The following LRRC4C variants were observed in gnomAD, a reference collection of about 807,000 sequenced individuals.
LRRC4C encodes the protein leucine-rich repeat-containing protein 4C.
A neutral mutation model predicts 33.6 loss-of-function variants in LRRC4C; 5 were observed. The ratio of observed to expected loss-of-function variants is 0.15; its 90% CI spans 0.08 to 0.31. The LOEUF (loss-of-function observed/expected upper bound fraction) is 0.31. LRRC4C is among the 10% of genes least tolerant of loss of function. LRRC4C has a pLI of 1.00. For missense variants in LRRC4C, 560 were observed against 796.7 expected, an observed-to-expected ratio of 0.70 and a Z score of 3.58; for synonymous variants, 329 against 302.0, an observed-to-expected ratio of 1.09 and a Z score of -0.93.
intron 3 of LRRC4C, among the ~76,000 whole-genome samples, chr11:40,453,581 TTACCCTGA>T (rs1951993562): frequency 6.7e-6 from 1 of 150,300 alleles, no homozygotes; most frequent in South Asian, 2.1e-4. Flanking sequence ...GATGCCAGTA[TTACCCTGA>T]TACCAAAACC....
At chr11:41,147,175 G>A (rs1943764197) in intron 1 of LRRC4C, among the ~76,000 whole-genome samples, 1 of 152,138 alleles carries the variant, frequency 6.6e-6, no homozygotes, top group African/African-American at 2.4e-5. Context: ...TTCCATAAAT[G>A]ATTCCCTTCT....
chr11:40,378,298 G>A (rs1397194581), intron 3 of LRRC4C, among the ~76,000 whole-genome samples: 1 of 151,840 alleles, frequency 6.6e-6, no homozygotes, highest in Non-Finnish European at 1.5e-5. Flanking sequence ...GATTTTTCTG[G>A]CAAGCAGTTC....
At chr11:40,263,776 A>G (rs934896482) in intron 4 of LRRC4C, among the ~76,000 whole-genome samples, 4 of 152,314 alleles carry the variant, frequency 2.6e-5, no homozygotes, top group African/African-American at 4.8e-5. Flanking sequence ...AGCATAACTG[A>G]TGGATACTTC....
At chr11:41,048,837 A>G (rs779634980) in intron 1 of LRRC4C, among the ~76,000 whole-genome samples, 48 of 152,210 alleles carry the variant, frequency 3.2e-4, no homozygotes, top group Non-Finnish European at 5.3e-4. Flanking sequence ...GCCAATGGGC[A>G]TGGACTCTGC....
intron 2 of LRRC4C, among the ~76,000 whole-genome samples, chr11:40,743,509 G>C (rs985167525): frequency 6.6e-6 from 1 of 152,022 alleles, no homozygotes; most frequent in African/African-American, 2.4e-5. Context: ...CCAGCTTATA[G>C]AGGCCACCTA....
chr11:40,668,484 C>T (rs550570579), intron 2 of LRRC4C, among the ~76,000 whole-genome samples: 5 of 152,140 alleles, frequency 3.3e-5, no homozygotes, highest in African/African-American at 1.2e-4. Flanking sequence ...AAATAAAGTT[C>T]GCAAGGGAAG....
intron 2 of LRRC4C, among the ~76,000 whole-genome samples, chr11:40,732,129 A>T (rs2136795694): frequency 6.6e-6 from 1 of 152,206 alleles, no homozygotes; most frequent in Admixed American, 6.5e-5. Context: ...TCTGTTAATT[A>T]TTTTGTAAAG....
At chr11:41,002,853 C>A (rs1360410488) in intron 1 of LRRC4C, among the ~76,000 whole-genome samples, 1 of 151,964 alleles carries the variant, frequency 6.6e-6, no homozygotes, top group Non-Finnish European at 1.5e-5. Flanking sequence ...AAAGCATACG[C>A]CTTTGATGGT....
At chr11:40,334,339 A>C (rs966525207) in intron 3 of LRRC4C, among the ~76,000 whole-genome samples, 1 of 152,092 alleles carries the variant, frequency 6.6e-6, no homozygotes. Flanking sequence ...AAAAAAAAAA[A>C]GTAAGCCAAT....
intron 3 of LRRC4C, among the ~76,000 whole-genome samples, chr11:40,558,406 A>C (rs1957412794): frequency 6.6e-6 from 1 of 152,188 alleles, no homozygotes; most frequent in Non-Finnish European, 1.5e-5. Flanking sequence ...TTTTCTGGCT[A>C]CATTAGTAAC....
At chr11:40,706,641 C>G (rs1946182161) in intron 2 of LRRC4C, among the ~76,000 whole-genome samples, 2 of 152,190 alleles carry the variant, frequency 1.3e-5, no homozygotes, top group African/African-American at 2.4e-5. Context: ...AGTCAGGTAG[C>G]CTGATGCCTC....
In LRRC4C at chr11:40,364,009, A is replaced by C. The variant is rs1590455081; in HGVS notation, c.-269-44288T>G. ...GATGTCTTTTTCTTAGGTTTACAAG[A>C]CTAATGGATATTCTGTACCCACTAA... On this transcript the variant is annotated intron_variant, in intron 3 of 6. Transcript: ENST00000528697. 2.0e-5 allele frequency among the ~76,000 whole-genome samples: 3 copies of C among 152,318 alleles called. No homozygotes were observed. The South Asian group carries it at 6.2e-4, about 32-fold the overall frequency.
intron 3 of LRRC4C, among the ~76,000 whole-genome samples, chr11:40,557,266 A>G (rs143224612): frequency 1.8e-3 from 269 of 152,188 alleles, no homozygotes; most frequent in African/African-American, 6.1e-3. Flanking sequence ...ACTAACAACC[A>G]CTTTAGAAGT....
chr11:40,963,726 A>G (rs778399189), intron 1 of LRRC4C, among the ~76,000 whole-genome samples: 7 of 151,792 alleles, frequency 4.6e-5, no homozygotes, highest in Non-Finnish European at 7.4e-5. Context: ...ATCAAATACT[A>G]TATCTCAGAA....
At chr11:41,078,656 C>T (rs1210527737) in intron 1 of LRRC4C, among the ~76,000 whole-genome samples, 2 of 152,064 alleles carry the variant, frequency 1.3e-5, no homozygotes, top group Admixed American at 6.6e-5. Context: ...AACCCGCCTC[C>T]ATGAACCAAT....
At chr11:41,302,623 T>C (rs1950318391) in intron 1 of LRRC4C, among the ~76,000 whole-genome samples, 1 of 152,234 alleles carries the variant, frequency 6.6e-6, no homozygotes, top group Non-Finnish European at 1.5e-5. Flanking sequence ...ATTTCTATTC[T>C]GTTGTCAGAT....
chr11:40,440,339 G>T (rs1159440812), intron 3 of LRRC4C, among the ~76,000 whole-genome samples: 1 of 140,780 alleles, frequency 7.1e-6, no homozygotes, highest in African/African-American at 2.7e-5. Flanking sequence ...TTCCTCCAAA[G>T]CTCCAAACTG....
intron 3 of LRRC4C, among the ~76,000 whole-genome samples, chr11:40,537,953 C>T (rs1427633691): frequency 6.6e-5 from 10 of 152,112 alleles, no homozygotes; most frequent in African/African-American, 2.2e-4. Flanking sequence ...GAATCTCAAG[C>T]GTCACCCCAG....
At chr11:41,293,200 T>C (rs2958859) in intron 1 of LRRC4C, among the ~76,000 whole-genome samples, 122,880 of 152,058 alleles carry the variant, frequency 0.81, 50,201 homozygotes, top group South Asian at 0.89. Context: ...TATATAAAGG[T>C]CTATAAATGC....
Sources: gnomAD v4.1 joint callset for allele counts (sites outside exome capture counted in the v4.1 genomes callset) on GRCh38, gnomAD v4.1.1 for gene constraint, MANE v1.5 for transcripts, NCBI Gene and HGNC (gene_info 2026-07-23, HGNC 2026-07-21) for gene names.